The following IL1RAPL2 variants were observed in gnomAD, a reference collection of about 807,000 sequenced individuals.
IL1RAPL2 encodes X-linked interleukin-1 receptor accessory protein-like 2.
Under a neutral mutation model 44.1 loss-of-function variants are expected in IL1RAPL2, and 3 were observed. That is an observed-to-expected ratio of 0.07 (90% CI 0.03 to 0.18). The LOEUF (loss-of-function observed/expected upper bound fraction) is 0.18. Ranked by LOEUF, IL1RAPL2 falls within the 10% of genes least tolerant of loss-of-function variation. IL1RAPL2 has a pLI of 1.00. For synonymous variants in IL1RAPL2, 181 were observed against 178.8 expected (o/e 1.01, Z -0.10); for missense variants, 391 against 496.4 (o/e 0.79, Z 2.02).
At chrX:104,861,823 G>A (rs1277281364) in intron 2 of IL1RAPL2, among the ~76,000 whole-genome samples, 1 of 111,675 alleles carries the variant, frequency 9.0e-6, no homozygotes, top group African/African-American at 3.2e-5. Context: ...GTTTATTCAC[G>A]TTTTAAAATT....
At chrX:104,671,705 G>C (rs1264120790) in intron 2 of IL1RAPL2, among the ~76,000 whole-genome samples, 1 of 111,993 alleles carries the variant, frequency 8.9e-6, no homozygotes, top group Non-Finnish European at 1.9e-5. Context: ...ATCTACGAAT[G>C]TTTATTAGAT....
chrX:105,092,558 C>G (rs1009121148), intron 2 of IL1RAPL2, among the ~76,000 whole-genome samples: 1 of 111,194 alleles, frequency 9.0e-6, no homozygotes, highest in Non-Finnish European at 1.9e-5. Flanking sequence ...ATTACCTAGG[C>G]ATGACTGATC....
At chrX:105,501,981 A>G (rs1233917889) in intron 6 of IL1RAPL2, among the ~76,000 whole-genome samples, 2 of 112,211 alleles carry the variant, frequency 1.8e-5, no homozygotes, top group African/African-American at 3.2e-5. Flanking sequence ...GGAAGGTTGC[A>G]TAATATAGAG....
chrX:104,940,896 GC>G (rs1925152977), intron 2 of IL1RAPL2, among the ~76,000 whole-genome samples: 2 of 69,476 alleles, frequency 2.9e-5, no homozygotes, highest in South Asian at 1.7e-3. Flanking sequence ...CCCACAACAT[GC>G]CCTGGTGTGT....
intron 2 of IL1RAPL2, among the ~76,000 whole-genome samples, chrX:105,033,993 C>T (rs1374597218): frequency 8.9e-6 from 1 of 111,858 alleles, no homozygotes; most frequent in Non-Finnish European, 1.9e-5. Context: ...ATCACAGATA[C>T]CCTTTCTTCC....
intron 3 of IL1RAPL2, among the ~76,000 whole-genome samples, chrX:105,217,401 T>TA (rs2033872940): frequency 8.9e-6 from 1 of 111,924 alleles, no homozygotes; most frequent in Non-Finnish European, 1.9e-5. Flanking sequence ...CACAATGAGA[T>TA]ACCACCTCAC....
At chrX:104,985,429 G>A (rs1230104658) in intron 2 of IL1RAPL2, among the ~76,000 whole-genome samples, 1 of 111,744 alleles carries the variant, frequency 8.9e-6, no homozygotes, top group Non-Finnish European at 1.9e-5. Context: ...TTTTCAGAGA[G>A]TGATGATCAA....
At chrX:105,282,490 G>C (rs1004612129) in intron 5 of IL1RAPL2, among the ~76,000 whole-genome samples, 2 of 111,669 alleles carry the variant, frequency 1.8e-5, no homozygotes, top group Admixed American at 9.5e-5. Context: ...AGATGCAGAG[G>C]CCTATGTGAT....
chrX:105,643,207 G>A (rs1268888451), intron 6 of IL1RAPL2, among the ~76,000 whole-genome samples: 1 of 111,895 alleles, frequency 8.9e-6, no homozygotes, highest in Non-Finnish European at 1.9e-5. Flanking sequence ...GTTTGTAACG[G>A]TGATGGTGTG....
At chrX:104,609,659 C>T (rs1263251274) in intron 1 of IL1RAPL2, among the ~76,000 whole-genome samples, 68 of 111,664 alleles carry the variant, frequency 6.1e-4, no homozygotes, top group African/African-American at 2.1e-3. Flanking sequence ...GAAGCTTGTA[C>T]ATGCTTCACG....
intron 2 of IL1RAPL2, among the ~76,000 whole-genome samples, chrX:104,793,877 G>A (rs1932837453): frequency 9.0e-6 from 1 of 111,309 alleles, no homozygotes; most frequent in African/African-American, 3.3e-5. Context: ...TTTACAGTTT[G>A]GTGTTCTTGG....
At chrX:104,909,781 G>A (rs969752845) in intron 2 of IL1RAPL2, among the ~76,000 whole-genome samples, 1 of 112,628 alleles carries the variant, frequency 8.9e-6, no homozygotes, top group Admixed American at 9.4e-5. Flanking sequence ...GTCTGCAGAG[G>A]TTACTGCTGT....
At chrX:105,072,331 T>C (rs1037802529) in intron 2 of IL1RAPL2, among the ~76,000 whole-genome samples, 3 of 111,616 alleles carry the variant, frequency 2.7e-5, no homozygotes, top group Admixed American at 9.6e-5. Flanking sequence ...TTGGGTACTA[T>C]CTTTATAACA....
chrX:104,761,493 C>T (rs1464954894), intron 2 of IL1RAPL2, among the ~76,000 whole-genome samples: 9 of 110,089 alleles, frequency 8.2e-5, no homozygotes, highest in Non-Finnish European at 1.7e-4. Context: ...ATATCATTCT[C>T]CTCCGGCCCC....
In IL1RAPL2 at chrX:105,430,419, G is replaced by T. The variant is rs192213810; in HGVS notation, c.698-53894G>T. ...TTATGTGTCATCCCTTAATAAGCTA[G>T]CCTTACTATATAGAATTTTTATTAT... is the stretch of plus-strand genomic sequence containing the variant. On this transcript the variant is annotated intron_variant, in intron 5 of 10. Coordinates refer to ENST00000372582, the MANE Select transcript of IL1RAPL2 (RefSeq NM_017416.2). 1.2e-4 allele frequency among the ~76,000 whole-genome samples: 13 copies of T among 111,418 alleles called. 1 individual carries two copies. The Admixed American group carries it at 1.2e-3, about 11-fold the overall frequency.
chrX:105,454,890 A>G (rs780176694), intron 5 of IL1RAPL2, among the ~76,000 whole-genome samples: 20 of 100,257 alleles, frequency 2.0e-4, no homozygotes, highest in African/African-American at 6.4e-4. Context: ...CAGCAAAGCC[A>G]TGCTACAGTC....
chrX:105,697,155 C>T (rs950054317), intron 6 of IL1RAPL2, among the ~76,000 whole-genome samples: 3 of 110,431 alleles, frequency 2.7e-5, no homozygotes, highest in African/African-American at 9.9e-5. Flanking sequence ...TGGCACCAAG[C>T]CCTTCATAAG....
In IL1RAPL2 at chrX:104,946,241, C is replaced by T. The variant is rs1397688356; in HGVS notation, c.83-249234C>T. Among the ~76,000 whole-genome samples, 25 of 99,910 alleles carry T rather than the reference C, an allele frequency of 2.5e-4. No individual in the cohort carries two copies. In the East Asian group the frequency reaches 3.8e-3, roughly 15 times the overall value. 86.8% of individuals were successfully genotyped at this position (99,910 alleles called of 115,157 possible). A position where few individuals can be genotyped will look rare whatever the true frequency, so the allele number is the denominator to read the frequency against. ...CAAAAAAATTAGCCAGGCGCGGTGG[C>T]GGGCGCCTGTAGTCCCAGCTACTCG... is the stretch of plus-strand genomic sequence containing the variant. On this transcript the variant is annotated intron_variant, in intron 2 of 10. Transcript: ENST00000372582.
rs185918719 is a variant in IL1RAPL2 at position 105,031,969 on chromosome X, C to T, written c.83-163506C>T. ...TTTAGACTTGGGAGGGTGTATGTGT[C>T]GAGGAATTTATCCATTTCTTCGAGA... On this transcript the variant is annotated intron_variant, in intron 2 of 10. Coordinates refer to ENST00000372582, the MANE Select transcript of IL1RAPL2 (RefSeq NM_017416.2). Among the ~76,000 whole-genome samples the T allele has an allele frequency of 2.7e-3, 296 of 111,267 alleles. 2 individuals are homozygous for T. Among genetic ancestry groups the T allele is most frequent in the African/African-American group, 9.5e-3 (289 of 30,539 alleles).
Sources: allele counts gnomAD v4.1 joint callset (sites outside exome capture counted in the v4.1 genomes callset), GRCh38; gene constraint gnomAD v4.1.1; transcripts MANE v1.5; gene names NCBI Gene and HGNC (gene_info 2026-07-23, HGNC 2026-07-21).